The following TMEM163 variants were observed in gnomAD, a reference collection of about 807,000 sequenced individuals.
The protein encoded by TMEM163 is transmembrane protein 163.
TMEM163 carries 17 observed loss-of-function variants against 29.3 expected under a neutral mutation model. The ratio of observed to expected loss-of-function variants is 0.58; its 90% confidence interval spans 0.40 to 0.87. TMEM163 has a LOEUF of 0.87. TMEM163 is among the 40% of genes least tolerant of loss of function. The pLI is 0.00. For missense variants in TMEM163, 303 were observed against 381.5 expected, an observed-to-expected ratio of 0.79 and a Z score of 1.71; for synonymous variants, 157 against 160.6, an observed-to-expected ratio of 0.98 and a Z score of 0.17.
intron 2 of TMEM163, among the ~76,000 whole-genome samples, chr2:134,574,064 A>G (rs1230298683): frequency 6.6e-6 from 1 of 152,214 alleles, no homozygotes; most frequent in Non-Finnish European, 1.5e-5. Context: ...AAATTTTAGA[A>G]ACCACTGTGA....
intron 2 of TMEM163, among the ~76,000 whole-genome samples, chr2:134,587,992 G>T (rs1431082815): frequency 6.6e-6 from 1 of 152,324 alleles, no homozygotes; most frequent in East Asian, 1.9e-4. Flanking sequence ...GTTACAGAAG[G>T]CCAGAGAAAA....
intron 4 of TMEM163, among the ~76,000 whole-genome samples, chr2:134,543,836 T>G (rs766983990): frequency 7.9e-5 from 12 of 152,176 alleles, no homozygotes; most frequent in Non-Finnish European, 1.2e-4. Flanking sequence ...ACAAAGGACT[T>G]ATGCCTCTCT....
intron 2 of TMEM163, among the ~76,000 whole-genome samples, chr2:134,553,195 G>T (rs1021407117): frequency 2.0e-5 from 3 of 152,190 alleles, no homozygotes; most frequent in African/African-American, 7.2e-5. Flanking sequence ...TTCTGCAAGT[G>T]GTCAGTGGCG....
intron 2 of TMEM163, among the ~76,000 whole-genome samples, chr2:134,696,064 A>T (rs1558995034): frequency 6.8e-6 from 1 of 147,732 alleles, no homozygotes; most frequent in Non-Finnish European, 1.5e-5. Context: ...AAAAAAAAAA[A>T]AAAAGGTTTA....
chr2:134,614,728 C>G (rs1454781506), intron 2 of TMEM163, among the ~76,000 whole-genome samples: 1 of 152,066 alleles, frequency 6.6e-6, no homozygotes, highest in African/African-American at 2.4e-5. Context: ...GTGCCACATG[C>G]CTGTAATCCC....
At chr2:134,575,176 C>T (rs1010492438) in intron 2 of TMEM163, among the ~76,000 whole-genome samples, 4 of 152,086 alleles carry the variant, frequency 2.6e-5, no homozygotes, top group Admixed American at 2.0e-4. Flanking sequence ...TGGGAAGAAT[C>T]GAGAGGAAGT....
At chr2:134,554,203 T>A (rs555355979) in intron 2 of TMEM163, among the ~76,000 whole-genome samples, 1 of 151,754 alleles carries the variant, frequency 6.6e-6, no homozygotes, top group Non-Finnish European at 1.5e-5. Flanking sequence ...GGTGGGGGGA[T>A]CACGAGGTCA....
chr2:134,538,119 T>G (rs1028634325), intron 4 of TMEM163, among the ~76,000 whole-genome samples: 1 of 152,200 alleles, frequency 6.6e-6, no homozygotes, highest in African/African-American at 2.4e-5. Flanking sequence ...TTTCCAAAAT[T>G]TATATGTTAA....
intron 5 of TMEM163, among the ~76,000 whole-genome samples, chr2:134,479,324 T>C (rs1409608159): frequency 6.6e-6 from 1 of 152,196 alleles, no homozygotes; most frequent in African/African-American, 2.4e-5. Context: ...GACCAGTGCA[T>C]CTGAGTGGAA....
intron 4 of TMEM163, among the ~76,000 whole-genome samples, chr2:134,519,578 G>C (rs1680147425): frequency 6.6e-6 from 1 of 152,018 alleles, no homozygotes; most frequent in South Asian, 2.1e-4. Context: ...CGGGCGTGGT[G>C]GGGGGTGCCT....
At chr2:134,570,239 A>G (rs960087413) in intron 2 of TMEM163, among the ~76,000 whole-genome samples, 2 of 152,172 alleles carry the variant, frequency 1.3e-5, no homozygotes, top group Admixed American at 6.6e-5. Flanking sequence ...GTGAAGAAGG[A>G]AAAAAGAAAC....
At chr2:134,706,088 G>T (rs1288318269) in intron 2 of TMEM163, among the ~76,000 whole-genome samples, 1 of 152,238 alleles carries the variant, frequency 6.6e-6, no homozygotes, top group Non-Finnish European at 1.5e-5. Context: ...CTCCTGGCTG[G>T]AAACAGCAGC....
At chr2:134,537,997 G>A (rs140830393) in intron 4 of TMEM163, among the ~76,000 whole-genome samples, 22 of 152,334 alleles carry the variant, frequency 1.4e-4, no homozygotes, top group African/African-American at 4.8e-4. Context: ...TGGAGCCTTC[G>A]TACTCTGCTG....
intron 2 of TMEM163, among the ~76,000 whole-genome samples, chr2:134,687,160 T>C (rs189191837): frequency 2.6e-5 from 4 of 152,296 alleles, no homozygotes; most frequent in Non-Finnish European, 5.9e-5. Context: ...CAGAAATGTG[T>C]GAGACCCAGG....
chr2:134,707,574 G>A (rs754377176), intron 2 of TMEM163, among the ~76,000 whole-genome samples: 3 of 152,196 alleles, frequency 2.0e-5, no homozygotes, highest in Non-Finnish European at 4.4e-5. Context: ...TTTGGGTCAT[G>A]GAAGTATTTC....
chr2:134,516,666 CATAT>C (rs560125341), intron 4 of TMEM163, among the ~76,000 whole-genome samples: 3 of 144,098 alleles, frequency 2.1e-5, no homozygotes, highest in Admixed American at 7.0e-5. Flanking sequence ...TATATTCATA[CATAT>C]AGTCATACAT....
intron 2 of TMEM163, among the ~76,000 whole-genome samples, chr2:134,622,532 G>T (rs1682762340): frequency 6.6e-6 from 1 of 152,166 alleles, no homozygotes; most frequent in Non-Finnish European, 1.5e-5. Flanking sequence ...ACAACAAGAG[G>T]TCTGGTTATT....
chr2:134,606,179 T>C (rs1168308802), intron 2 of TMEM163, among the ~76,000 whole-genome samples: 1 of 152,056 alleles, frequency 6.6e-6, no homozygotes, highest in Non-Finnish European at 1.5e-5. Context: ...CAGCACGTAA[T>C]GTCTTTCTCT....
At chr2:134,516,795 G>GAATATATATA (rs1680080360) in intron 4 of TMEM163, among the ~76,000 whole-genome samples, 2 of 33,248 alleles carry the variant, frequency 6.0e-5, no homozygotes, top group African/African-American at 3.2e-4. Context: ...ATATATGCAT[G>GAATATATATA]TATGTATGAA....
Sources: gnomAD v4.1 joint callset for allele counts (sites outside exome capture counted in the v4.1 genomes callset) on GRCh38, gnomAD v4.1.1 for gene constraint, MANE v1.5 for transcripts, NCBI Gene and HGNC (gene_info 2026-07-23, HGNC 2026-07-21) for gene names.